MTF1: variants seen among roughly 807,000 people sequenced by gnomAD.
The protein encoded by MTF1 is metal regulatory transcription factor 1, also known as MRE-binding transcription factor.
In MTF1, 22 loss-of-function variants were observed where a neutral mutation model predicts 70.4. The observed-to-expected ratio is 0.31, with a 90% CI of 0.22 to 0.45. The LOEUF is 0.45. MTF1 is among the 20% of genes least tolerant of loss of function. MTF1 has a pLI of 1.00. For missense variants in MTF1, 649 were observed against 922.0 expected, an observed-to-expected ratio of 0.70 and a Z score of 3.83; for synonymous variants, 333 against 352.8, an observed-to-expected ratio of 0.94 and a Z score of 0.63.
In MTF1 at chr1:37,815,688, A is replaced by T. The variant is rs1469713227; in HGVS notation, c.1832-122T>A. On this transcript the variant is annotated intron_variant, in intron 10 of 10. Transcript: ENST00000373036. This position sits in a 1 kb window ranked among gnomAD's most constrained non-coding sequence, Gnocchi z 4.5. ...GGGAACCATGGGAAGGATGGTTGCCACACTTCGGGCTTCGTTCTGCTTTAA... is the reference window on the plus strand; with the variant it reads ...GGGAACCATGGGAAGGATGGTTGCCTCACTTCGGGCTTCGTTCTGCTTTAA... 8 of 726,604 alleles carry T rather than the reference A, an allele frequency of 1.1e-5. No individual in the cohort carries two copies. The highest frequency in any genetic ancestry group is 3.5e-5 in the African/African-American group (2 of 57,292). The allele number at this position is 726,604 out of a possible 1,614,324, so 45.0% of individuals were successfully genotyped here.
intron 8 of MTF1, among the ~76,000 whole-genome samples, chr1:37,823,278 A>C (rs541380852): frequency 7.2e-5 from 11 of 151,860 alleles, no homozygotes; most frequent in Non-Finnish European, 1.3e-4. Context: ...TCTACCAAAA[A>C]TACAAAAAAA....
intron 3 of MTF1, 126 bp from the exon 4 acceptor site, chr1:37,838,882 G>A: frequency 4.5e-6 from 3 of 667,854 alleles, no homozygotes; most frequent in Non-Finnish European, 6.5e-6. Flanking sequence ...TCGGCTCACT[G>A]CAACCTCCTC....
At chr1:37,817,527 G>T in intron 9 of MTF1, 45 bp from the exon 10 acceptor site, 1 of 1,367,664 alleles carries the variant, frequency 7.3e-7, no homozygotes, top group Non-Finnish European at 1.0e-6. Context: ...CTGTAATATG[G>T]CAGATCCCCA....
chr1:37,850,882 C>T (rs572536125), intron 2 of MTF1, among the ~76,000 whole-genome samples: 158 of 151,894 alleles, frequency 1.0e-3, no homozygotes, highest in Non-Finnish European at 1.7e-3. Flanking sequence ...AGAAGACCAA[C>T]TAGTTATCAA....
chr1:37,834,009 TA>T (rs1169933386), intron 6 of MTF1, among the ~76,000 whole-genome samples: 1 of 151,914 alleles, frequency 6.6e-6, no homozygotes, highest in Non-Finnish European at 1.5e-5. Context: ...ACAGATCACT[TA>T]AGCTTAGGAG....
intron 6 of MTF1, 59 bp downstream of exon 6, chr1:37,835,020 A>G: frequency 1.3e-6 from 2 of 1,565,082 alleles, no homozygotes; most frequent in Non-Finnish European, 1.8e-6. Context: ...TGATTGTGAT[A>G]CACAAACAAC....
At chr1:37,858,647 T>C (rs1400004264) in intron 1 of MTF1, 1 of 152,194 alleles carries the variant, frequency 6.6e-6, no homozygotes, top group South Asian at 2.1e-4. Flanking sequence ...TTGAGTCTTA[T>C]TATTTTTGTT....
At chr1:37,858,015 T>TA (rs71053997) in intron 1 of MTF1, among the ~76,000 whole-genome samples, 63,341 of 123,902 alleles carry the variant, frequency 0.51, 14,717 homozygotes, top group Non-Finnish European at 0.56. Flanking sequence ...CCATCTCTAA[T>TA]AAAAAAAAAA....
intron 1 of MTF1, among the ~76,000 whole-genome samples, chr1:37,858,243 A>T (rs1641532123): frequency 1.3e-5 from 2 of 152,170 alleles, no homozygotes; most frequent in African/African-American, 4.8e-5. Context: ...CGAGGCAGTA[A>T]ATGGTTTCAT....
chr1:37,854,746 G>A (rs1179202038), intron 2 of MTF1, among the ~76,000 whole-genome samples: 1 of 152,202 alleles, frequency 6.6e-6, no homozygotes, highest in Non-Finnish European at 1.5e-5. Flanking sequence ...TTATGAGACT[G>A]CGCTCAACTG....
chr1:37,822,762 T>C, intron 8 of MTF1, 46 bp from the exon 9 acceptor site: 1 of 1,382,034 alleles, frequency 7.2e-7, no homozygotes, highest in Non-Finnish European at 1.0e-6. Flanking sequence ...TCCCAAGCCT[T>C]AGATGAGCCA....
rs1247084541 is a variant in MTF1 at position 37,813,338 on chromosome 1, T to C, written c.*1798A>G. Reference sequence around the variant, plus strand: ...CCTGGAATGAGAAATTGGCTGCTTGTAGTTAAGATTTCTTACTGCCATTTC... The same window carrying C: ...CCTGGAATGAGAAATTGGCTGCTTGCAGTTAAGATTTCTTACTGCCATTTC... On this transcript the variant is annotated 3_prime_UTR_variant, in exon 11 of 11. Coordinates refer to ENST00000373036, the MANE Select transcript of MTF1 (RefSeq NM_005955.3). The C allele has an allele frequency of 6.6e-6, 1 of 152,120 alleles. No homozygotes were observed. Among genetic ancestry groups the C allele is most frequent in the Non-Finnish European group, 1.5e-5 (1 of 68,024 alleles). 9.4% of individuals were successfully genotyped at this position (152,120 alleles called of 1,614,324 possible). A position where few individuals can be genotyped will look rare whatever the true frequency, so the allele number is the denominator to read the frequency against.
At chr1:37,817,538 G>A in intron 9 of MTF1, 56 bp from the exon 10 acceptor site, 1 of 1,222,628 alleles carries the variant, frequency 8.2e-7, no homozygotes, top group South Asian at 1.2e-5. Flanking sequence ...CAGATCCCCA[G>A]GGACCTGAAG....
intron 9 of MTF1, among the ~76,000 whole-genome samples, chr1:37,819,985 A>T (rs1165609748): frequency 2.6e-5 from 2 of 76,380 alleles, no homozygotes; most frequent in African/African-American, 3.6e-5. Flanking sequence ...AAAAAAAAAA[A>T]GGAGAAGTGA....
At chr1:37,824,960 C>T (rs1057181107) in intron 7 of MTF1, among the ~76,000 whole-genome samples, 13 of 152,130 alleles carry the variant, frequency 8.5e-5, no homozygotes, top group African/African-American at 2.9e-4. Context: ...CTAACTAAAA[C>T]GAGCACTCTT....
At chr1:37,828,192 A>C in intron 7 of MTF1, 1 of 409,956 alleles carries the variant, frequency 2.4e-6, no homozygotes, top group Non-Finnish European at 4.8e-6. Flanking sequence ...AAAAACAGGA[A>C]AAACTAATCT....
intron 9 of MTF1, among the ~76,000 whole-genome samples, chr1:37,819,999 C>G (rs1640886867): frequency 1.7e-5 from 1 of 59,474 alleles, no homozygotes. Context: ...GAAGTGAGAC[C>G]CTAAATATCT....
chr1:37,823,653 T>C, intron 8 of MTF1, 57 bp downstream of exon 8: 1 of 1,272,032 alleles, frequency 7.9e-7, no homozygotes, highest in South Asian at 1.2e-5. Context: ...ATTGTGCCTG[T>C]GACTCAGTGT....
intron 2 of MTF1, among the ~76,000 whole-genome samples, chr1:37,850,131 T>A (rs996899366): frequency 2.0e-5 from 3 of 146,724 alleles, no homozygotes; most frequent in Non-Finnish European, 4.4e-5. Context: ...CCAGCTACTG[T>A]GGAGGCTGAG....
Sources: allele counts gnomAD v4.1 joint callset (sites outside exome capture counted in the v4.1 genomes callset), GRCh38; gene constraint gnomAD v4.1.1; non-coding constraint Gnocchi (gnomAD v3.1); transcripts MANE v1.5; gene names NCBI Gene and HGNC (gene_info 2026-07-23, HGNC 2026-07-21).